CAPN7: variants seen among roughly 807,000 people sequenced by gnomAD.
The protein encoded by CAPN7 is calpain 7, also known as calpain-7.
Under a neutral mutation model 115.2 loss-of-function variants are expected in CAPN7, and 72 were observed. That is an observed-to-expected ratio of 0.63 (90% CI 0.52 to 0.76). CAPN7 has a LOEUF of 0.76. Among genes scored for constraint, CAPN7 ranks in the 30% least tolerant of loss-of-function variants. The pLI is 0.00. For synonymous variants in CAPN7, 344 were observed against 322.3 expected, an observed-to-expected ratio of 1.07 and a Z score of -0.72; for missense variants, 905 against 971.5, an observed-to-expected ratio of 0.93 and a Z score of 0.91.
rs1265353470 is a variant in CAPN7, at chr3:15,233,990, G to C, written c.1286+17G>C. 3.0e-6 allele frequency: 4 copies of C among 1,347,452 alleles called. No homozygotes were observed. The African/African-American group carries it at 5.8e-5, about 19-fold the overall frequency. 83.5% of individuals were successfully genotyped at this position (1,347,452 alleles called of 1,614,324 possible). A position where few individuals can be genotyped will look rare whatever the true frequency, so the allele number is the denominator to read the frequency against. Reference sequence around the variant, plus strand: ...TTATCAAAGGTAAACATTTTTCTTTGTTTTATGTGTGTGGTAAATGTGGCC... The same window carrying C: ...TTATCAAAGGTAAACATTTTTCTTTCTTTTATGTGTGTGGTAAATGTGGCC... On this transcript the variant is annotated intron_variant, in intron 11 of 20. Coordinates refer to ENST00000253693, the MANE Select transcript of CAPN7 (RefSeq NM_014296.3).
Position 15,218,462 on chromosome 3 carries a change from TTTCTC to T in CAPN7, c.370-8_370-4del. On this transcript the variant is annotated splice_region_variant and splice_polypyrimidine_tract_variant and intron_variant, in intron 3 of 20. Transcript: ENST00000253693. ...ATGCTTTAAAATGTCTGTCTCTTTC[TTTCTC>T]TTAAGTCTTATGAAACTGCTGATAA... The T allele has an allele frequency of 1.1e-5, 18 of 1,593,530 alleles. No individual in the cohort carries two copies. The highest frequency in any genetic ancestry group is 1.5e-5 in the Non-Finnish European group (18 of 1,167,148).
At chr3:15,226,121 G>C (rs1694300156) in intron 6 of CAPN7, among the ~76,000 whole-genome samples, 1 of 151,790 alleles carries the variant, frequency 6.6e-6, no homozygotes, top group Admixed American at 6.6e-5. Context: ...TGTCACTCAG[G>C]CTAGAGTGCA....
intron 18 of CAPN7, 80 bp downstream of exon 18, chr3:15,246,874 G>A (rs1374413501): frequency 1.8e-6 from 2 of 1,136,172 alleles, no homozygotes; most frequent in Admixed American, 2.4e-5. Context: ...TCATTTTATT[G>A]TTTATATTTA....
At position 15,206,412 on chromosome 3, in the gene CAPN7, C is replaced by T. The variant is rs2044623545; in HGVS notation, c.-84C>T. The T allele has an allele frequency of 5.6e-6, 6 of 1,063,764 alleles. No homozygotes were observed. Among genetic ancestry groups the T allele is most frequent in the African/African-American group, 1.7e-5 (1 of 60,104 alleles). The allele number at this position is 1,063,764 out of a possible 1,614,324, so 65.9% of individuals were successfully genotyped here. A position where few individuals can be genotyped will look rare whatever the true frequency, so the allele number is the denominator to read the frequency against. The stretch of plus-strand genomic sequence containing the variant: ...TCCTTCCGCGGCGCTCCCGAGTCCT[C>T]GCCGCCGCCGGGCCGCCGCAGTCCG... On this transcript the variant is annotated 5_prime_UTR_variant, in exon 1 of 21. Coordinates refer to ENST00000253693, the MANE Select transcript of CAPN7 (RefSeq NM_014296.3).
At position 15,247,236 on chromosome 3, in the gene CAPN7, T is replaced by TTA. The variant is rs376958161; in HGVS notation, c.2074-90_2074-89insAT. 711 of 228,108 alleles carry TTA rather than the reference T, an allele frequency of 3.1e-3. 5 individuals carry two copies. Among genetic ancestry groups the TTA allele is most frequent in the African/African-American group, 0.029 (598 of 20,336 alleles). The allele number at this position is 228,108 out of a possible 1,614,324, so 14.1% of individuals were successfully genotyped here. A position where few individuals can be genotyped will look rare whatever the true frequency, so the allele number is the denominator to read the frequency against. On this transcript the variant is annotated intron_variant, in intron 18 of 20. Transcript: ENST00000253693. The stretch of plus-strand genomic sequence containing the variant: ...TGGAGACACAGAGTGGAAAATTGCC[T>TTA]TTTTTTTTTTTTTGAGATGGAAAGG...
At chr3:15,247,617 T>C (rs1695744703) in intron 19 of CAPN7, among the ~76,000 whole-genome samples, 160 bp downstream of exon 19, 1 of 152,166 alleles carries the variant, frequency 6.6e-6, no homozygotes, top group South Asian at 2.1e-4. Flanking sequence ...CAATAAATGG[T>C]ATGGAATAAT....
intron 1 of CAPN7, among the ~76,000 whole-genome samples, chr3:15,207,308 A>G (rs548559437): frequency 2.0e-4 from 30 of 152,312 alleles, no homozygotes; most frequent in African/African-American, 6.7e-4. Context: ...TAAAAAAAAA[A>G]TACTACACCA....
intron 16 of CAPN7, among the ~76,000 whole-genome samples, chr3:15,244,659 CAT>C (rs1695550856): frequency 6.6e-6 from 1 of 152,140 alleles, no homozygotes; most frequent in South Asian, 2.1e-4. Context: ...TCGATCTTAA[CAT>C]ATAGTAATTG....
intron 1 of CAPN7, among the ~76,000 whole-genome samples, chr3:15,208,917 G>A (rs1196162203): frequency 6.6e-6 from 1 of 152,188 alleles, no homozygotes; most frequent in Non-Finnish European, 1.5e-5. Context: ...TGATAATACT[G>A]TACAATAGTA....
chr3:15,208,453 A>ATTTT (rs1218217326), intron 1 of CAPN7, among the ~76,000 whole-genome samples: 10 of 126,146 alleles, frequency 7.9e-5, no homozygotes, highest in African/African-American at 1.5e-4. Context: ...CACTTGGCTA[A>ATTTT]TTTTTTTTTT....
At chr3:15,235,248 A>G in intron 12 of CAPN7, 103 bp downstream of exon 12, 1 of 1,048,974 alleles carries the variant, frequency 9.5e-7, no homozygotes. Context: ...ATCAAGGTTT[A>G]AGTGGAGTTT....
At chr3:15,230,662 A>G (rs1694630941) in intron 9 of CAPN7, 127 bp downstream of exon 9, 2 of 578,536 alleles carry the variant, frequency 3.5e-6, no homozygotes, top group Non-Finnish European at 6.4e-6. Context: ...GTGATATTAT[A>G]TATTACTACC....
At chr3:15,249,748 T>G (rs1370659440) in intron 19 of CAPN7, among the ~76,000 whole-genome samples, 1 of 152,040 alleles carries the variant, frequency 6.6e-6, no homozygotes, top group Non-Finnish European at 1.5e-5. Flanking sequence ...GGCCTTTCCA[T>G]TTGTTACAAT....
At chr3:15,233,269 AT>A (rs1694799078) in intron 10 of CAPN7, among the ~76,000 whole-genome samples, 1 of 152,248 alleles carries the variant, frequency 6.6e-6, no homozygotes, top group Non-Finnish European at 1.5e-5. Context: ...GAAGTGACAT[AT>A]GCAAATCACC....
intron 12 of CAPN7, among the ~76,000 whole-genome samples, chr3:15,235,501 C>T (rs1575217410): frequency 6.6e-6 from 1 of 152,198 alleles, no homozygotes; most frequent in East Asian, 1.9e-4. Context: ...TGGTCGCCAA[C>T]CTTTTTGGCA....
intron 2 of CAPN7, 31 bp downstream of exon 2, chr3:15,212,243 T>C (rs369177764): frequency 1.6e-5 from 20 of 1,263,218 alleles, no homozygotes; most frequent in Non-Finnish European, 1.9e-5. Context: ...CTTGTCACTC[T>C]ATTTTTTCTT....
Position 15,240,741 on chromosome 3 carries a change from T to A in CAPN7, c.1553-13T>A. Reference sequence around the variant, plus strand: ...TAAGATTTTTTTAGATTAACAAAGATATTAATTTTCAGGAATATTTTGGAT... The same window carrying A: ...TAAGATTTTTTTAGATTAACAAAGAAATTAATTTTCAGGAATATTTTGGAT... On this transcript the variant is annotated splice_polypyrimidine_tract_variant and intron_variant, in intron 13 of 20. Coordinates refer to ENST00000253693, the MANE Select transcript of CAPN7 (RefSeq NM_014296.3). 6.3e-7 allele frequency: 1 copy of A among 1,590,260 alleles called. No homozygotes were observed. Among genetic ancestry groups the A allele is most frequent in the Admixed American group, 1.7e-5 (1 of 58,460 alleles).
At position 15,227,877 on chromosome 3, in the gene CAPN7, A is replaced by C; in HGVS notation, c.764A>C (p.Lys255Thr). ...AAGCTACCATTATCACCTAAACAAAAAACTACATTTTCCAAGTGGGTACGA... is the reference window on the plus strand; with the variant it reads ...AAGCTACCATTATCACCTAAACAAACAACTACATTTTCCAAGTGGGTACGA... ...WGKLPLSPKQ[K>T]TTFSKWVRPE... The change falls in exon 7 of 21, where the codon AAA becomes ACA. Residue 255 changes from lysine to threonine, a missense_variant. By Grantham distance (78) the Lys-to-Thr change is moderately conservative. Around this residue, in one of 3 missense-constraint regions of CAPN7, gnomAD observed 620 missense variants for 703.4 expected, o/e 0.88. Coordinates refer to ENST00000253693, the MANE Select transcript of CAPN7 (RefSeq NM_014296.3). The C allele has an allele frequency of 6.4e-7, 1 of 1,552,454 alleles. No homozygotes were observed. The highest frequency in any genetic ancestry group is 8.7e-7 in the Non-Finnish European group (1 of 1,147,380).
chr3:15,211,306 A>C (rs1207590250), intron 1 of CAPN7, among the ~76,000 whole-genome samples: 1 of 152,182 alleles, frequency 6.6e-6, no homozygotes, highest in Non-Finnish European at 1.5e-5. Flanking sequence ...ACTTGCAATC[A>C]GTTCACATTT....
Sources: gnomAD v4.1 joint callset for allele counts (sites outside exome capture counted in the v4.1 genomes callset) on GRCh38, gnomAD v4.1.1 for gene constraint, gnomAD v4.1.1 regional missense constraint, MANE v1.5 for transcripts, NCBI Gene and HGNC (gene_info 2026-07-23, HGNC 2026-07-21) for gene names.